Variants in COL4A4 observed in about 807,000 individuals in gnomAD.
The protein encoded by COL4A4 is collagen type IV alpha 4 chain, also known as collagen alpha-4(IV) chain.
COL4A4 carries 105 observed loss-of-function variants against 192.9 expected under a neutral mutation model. The ratio of observed to expected loss-of-function variants is 0.54; its 90% CI spans 0.46 to 0.64. The LOEUF (loss-of-function observed/expected upper bound fraction) is 0.64. Among genes scored for constraint, COL4A4 ranks in the 30% least tolerant of loss-of-function variants. COL4A4 has a pLI of 0.00. For missense variants in COL4A4, 1,967 were observed against 2,169.3 expected (o/e 0.91, Z 1.85); for synonymous variants, 762 against 769.9 (o/e 0.99, Z 0.17).
chr2:227,038,512 C>A (rs1970148206), intron 37 of COL4A4, among the ~76,000 whole-genome samples: 1 of 152,102 alleles, frequency 6.6e-6, no homozygotes, highest in Non-Finnish European at 1.5e-5. Context: ...ATGCCTCTGG[C>A]TTTATTCTTT....
intron 8 of COL4A4, among the ~76,000 whole-genome samples, chr2:227,112,900 T>A (rs2061298104): frequency 6.6e-6 from 1 of 152,266 alleles, no homozygotes; most frequent in South Asian, 2.1e-4. Flanking sequence ...ATATCTTTCC[T>A]TTTTAAAGCT....
chr2:227,044,712 C>T (rs1278119169), intron 35 of COL4A4, among the ~76,000 whole-genome samples: 2 of 152,078 alleles, frequency 1.3e-5, no homozygotes, highest in African/African-American at 4.8e-5. Flanking sequence ...GAATAGAGTG[C>T]AGAGTAGGTA....
In COL4A4 at chr2:227,088,721, G is replaced by T. The variant is rs777020629; in HGVS notation, c.1555C>A (p.Leu519Ile). ...CCTTTTGTTCCAAGCCAGCCAGGGA[G>T]CCCCAAGTCTCCCTTACTCCCCTGC... ...GRQGSKGDLGLPGWLGTKGDP... is the reference protein window; with the variant it reads ...GRQGSKGDLGIPGWLGTKGDP... Residue 519 changes from leucine to isoleucine, a missense_variant, in exon 22 of 48, where the codon CTC becomes ATC. Transcript: ENST00000396625. 6.2e-7 allele frequency: 1 copy of T among 1,614,136 alleles called. No individual in the cohort carries two copies. Among genetic ancestry groups the T allele is most frequent in the Non-Finnish European group, 8.5e-7 (1 of 1,180,010 alleles).
intron 46 of COL4A4, 86 bp downstream of exon 46, chr2:227,010,227 G>T: frequency 7.4e-7 from 1 of 1,342,480 alleles, no homozygotes; most frequent in South Asian, 1.2e-5. Flanking sequence ...TAAGGTTAGT[G>T]ATCATTTAAG....
At chr2:226,972,678 G>A in the COL4A4 span, among the ~76,000 whole-genome samples, 6 of 152,172 alleles carry the variant, frequency 3.9e-5, no homozygotes, top group African/African-American at 9.7e-5. Context: ...AGCAAATAAT[G>A]ACTAGACACC....
intron 7 of COL4A4, among the ~76,000 whole-genome samples, 165 bp from the exon 8 acceptor site, chr2:227,114,861 T>C (rs2061407741): frequency 6.6e-6 from 1 of 152,222 alleles, no homozygotes; most frequent in South Asian, 2.1e-4. Context: ...ACCCTAAGGT[T>C]CTCACATATA....
intron 37 of COL4A4, among the ~76,000 whole-genome samples, chr2:227,039,466 G>A (rs1294975095): frequency 2.0e-5 from 3 of 152,098 alleles, no homozygotes; most frequent in Non-Finnish European, 2.9e-5. Flanking sequence ...CCACCACGTC[G>A]GCCAGCTATT....
At chr2:227,012,382 G>A (rs1963932487) in intron 44 of COL4A4, 85 bp from the exon 45 acceptor site, 1 of 1,053,838 alleles carries the variant, frequency 9.5e-7, no homozygotes, top group Admixed American at 1.7e-5. Context: ...TGCCAGCCGT[G>A]TGCCAGCCCC....
intron 44 of COL4A4, among the ~76,000 whole-genome samples, chr2:227,018,225 C>T (rs930119312): frequency 1.3e-5 from 2 of 152,128 alleles, no homozygotes; most frequent in African/African-American, 4.8e-5. Flanking sequence ...ACTTGCAACT[C>T]TTTTGTTTTG....
At chr2:227,041,703 AGAAG>A (rs1970889095) in intron 37 of COL4A4, among the ~76,000 whole-genome samples, 1 of 134,146 alleles carries the variant, frequency 7.5e-6, no homozygotes, top group Non-Finnish European at 1.5e-5. Context: ...AGAGAGAGAG[AGAAG>A]GAAGGAAGGG....
chr2:227,083,445 T>C (rs559855994), intron 22 of COL4A4, among the ~76,000 whole-genome samples: 5 of 152,202 alleles, frequency 3.3e-5, no homozygotes, highest in African/African-American at 9.6e-5. Flanking sequence ...GTATTTTCTT[T>C]TTATTTATTT....
chr2:227,056,704 T>C (rs1975447205), intron 29 of COL4A4, among the ~76,000 whole-genome samples: 1 of 152,226 alleles, frequency 6.6e-6, no homozygotes, highest in South Asian at 2.1e-4. Context: ...TGAAAGTTAA[T>C]CACCAATGTG....
rs2059811917 is a variant in COL4A4, at chr2:227,089,762, G to T, written c.1459+106C>A. 6 of 917,366 alleles carry T rather than the reference G, an allele frequency of 6.5e-6. 1 individual carries two copies. The South Asian group carries it at 6.9e-5, about 11-fold the overall frequency. The allele number at this position is 917,366 out of a possible 1,614,324, so 56.8% of individuals were successfully genotyped here. The stretch of plus-strand genomic sequence containing the variant: ...TGGAGTACTCTAGTGGGTGACTAAG[G>T]TGAGTAACAAATCTGAATGAAATGC... On this transcript the variant is annotated intron_variant, in intron 21 of 47. Transcript: ENST00000396625.
intron 24 of COL4A4, among the ~76,000 whole-genome samples, chr2:227,080,040 C>A (rs536457249): frequency 2.0e-5 from 3 of 152,224 alleles, no homozygotes; most frequent in East Asian, 3.9e-4. Flanking sequence ...CTCACTACTT[C>A]CCCCATGTGC....
At chr2:227,151,418 T>A (rs1299247911) in intron 1 of COL4A4, among the ~76,000 whole-genome samples, 3 of 152,190 alleles carry the variant, frequency 2.0e-5, no homozygotes, top group Admixed American at 2.0e-4. Context: ...TTATTTCGTA[T>A]CAGCTTATGT....
In COL4A4 at chr2:227,009,354, C is replaced by T. The variant is rs145364666; in HGVS notation, c.4522+959G>A. Among the ~76,000 whole-genome samples, 106 of 152,294 alleles carry T rather than the reference C, an allele frequency of 7.0e-4. 2 individuals are homozygous for T. In the East Asian group the frequency reaches 0.019, roughly 27 times the overall value. On this transcript the variant is annotated intron_variant, in intron 46 of 47. Transcript: ENST00000396625. ...TGGAAAGACAGTGTTTCCCGGCAGC[C>T]AGGTACTTAAGCCTTTGACTTGAAA...
chr2:227,138,036 C>T (rs1017308576), intron 4 of COL4A4, among the ~76,000 whole-genome samples: 4 of 152,016 alleles, frequency 2.6e-5, no homozygotes, highest in African/African-American at 9.7e-5. Context: ...TGGCTCATGC[C>T]TGTAATCCCA....
rs1329215208 is a variant in COL4A4, at chr2:227,088,711, C to A, written c.1565G>T (p.Trp522Leu). 1 of 1,614,036 alleles carries A rather than the reference C, an allele frequency of 6.2e-7. No homozygotes were observed. The highest frequency in any genetic ancestry group is 2.2e-5 in the East Asian group (1 of 44,896). The change falls in exon 22 of 48, where the codon TGG becomes TTG. Residue 522 changes from tryptophan to leucine, a missense_variant. Coordinates refer to ENST00000396625, the MANE Select transcript of COL4A4 (RefSeq NM_000092.5). ...GSKGDLGLPG[W>L]LGTKGDPGPP... ...TCCTGGGTCACCTTTTGTTCCAAGC[C>A]AGCCAGGGAGCCCCAAGTCTCCCTT...
intron 40 of COL4A4, among the ~76,000 whole-genome samples, chr2:227,030,942 A>T (rs1229346367): frequency 2.0e-5 from 3 of 151,334 alleles, no homozygotes; most frequent in African/African-American, 7.3e-5. Flanking sequence ...GGATGGATGG[A>T]TGGATGGATG....
Sources: gnomAD v4.1 joint callset for allele counts (sites outside exome capture counted in the v4.1 genomes callset) on GRCh38, gnomAD v4.1.1 for gene constraint, MANE v1.5 for transcripts, NCBI Gene and HGNC (gene_info 2026-07-23, HGNC 2026-07-21) for gene names.